Variants in FRMPD4 observed in about 807,000 individuals in gnomAD.
FRMPD4 encodes the protein FERM and PDZ domain containing 4.
In FRMPD4, 22 loss-of-function variants were observed where a neutral mutation model predicts 94.1. The observed-to-expected ratio is 0.23, with a 90% CI of 0.17 to 0.33. The LOEUF is 0.33. Among genes scored for constraint, FRMPD4 ranks in the 10% least tolerant of loss-of-function variants. FRMPD4 has a pLI of 1.00. For missense variants in FRMPD4, 1,111 were observed against 1,339.9 expected, an observed-to-expected ratio of 0.83 and a Z score of 2.67; for synonymous variants, 631 against 548.6, an observed-to-expected ratio of 1.15 and a Z score of -2.10.
chrX:12,263,025 T>C (rs960287756), intron 1 of FRMPD4, among the ~76,000 whole-genome samples: 1 of 111,685 alleles, frequency 9.0e-6, no homozygotes, highest in African/African-American at 3.3e-5. Context: ...GAGCCTTATT[T>C]TGTTATTTCT....
At chrX:11,869,337 G>T (rs2053742918) in intron 2 of FRMPD4, among the ~76,000 whole-genome samples, 1 of 111,580 alleles carries the variant, frequency 9.0e-6, no homozygotes, top group South Asian at 3.7e-4. Flanking sequence ...TTTCCCCAGG[G>T]GCTTTGCTAA....
intron 3 of FRMPD4, among the ~76,000 whole-genome samples, chrX:11,955,602 C>T (rs914420992): frequency 7.3e-5 from 8 of 110,015 alleles, no homozygotes; most frequent in African/African-American, 2.0e-4. Context: ...ATTAGCTGGG[C>T]GTGGTGGCAG....
rs1033001203 is a variant in FRMPD4, at chrX:12,486,076, A to G, written c.42-12604A>G. 4.5e-5 allele frequency among the ~76,000 whole-genome samples: 5 copies of G among 111,611 alleles called. No individual in the cohort carries two copies. In the East Asian group the frequency reaches 1.4e-3, roughly 31 times the overall value. ...CAGTATCAGGTAATGAATGGGTACC[A>G]ACTTCCATCTTGGCAAATCCCTGCC... On this transcript the variant is annotated intron_variant, in intron 1 of 16. Transcript: ENST00000675598.
chrX:12,195,045 CGT>C (rs1044961581), intron 1 of FRMPD4, among the ~76,000 whole-genome samples: 3 of 112,148 alleles, frequency 2.7e-5, no homozygotes, highest in Admixed American at 9.4e-5. Context: ...TGTGTGTGCA[CGT>C]GTGTGTTACA....
At chrX:12,177,873 G>A (rs1165905729) in intron 1 of FRMPD4, among the ~76,000 whole-genome samples, 1 of 111,651 alleles carries the variant, frequency 9.0e-6, no homozygotes, top group Non-Finnish European at 1.9e-5. Flanking sequence ...AATAATTCAG[G>A]GGTCTATACT....
chrX:12,334,525 A>C (rs2055485146), intron 1 of FRMPD4, among the ~76,000 whole-genome samples: 1 of 110,557 alleles, frequency 9.0e-6, no homozygotes, highest in South Asian at 3.9e-4. Context: ...AGATAAGGCA[A>C]GTTTCTGCAT....
intron 1 of FRMPD4, among the ~76,000 whole-genome samples, chrX:12,420,383 A>G (rs1262815123): frequency 9.0e-6 from 1 of 111,560 alleles, no homozygotes; most frequent in Admixed American, 9.5e-5. Context: ...CCTGTTTTCC[A>G]CTGTGCCACC....
At chrX:12,112,870 C>G (rs1306890973) in intron 3 of FRMPD4, among the ~76,000 whole-genome samples, 2 of 111,218 alleles carry the variant, frequency 1.8e-5, no homozygotes, top group Non-Finnish European at 3.8e-5. Flanking sequence ...CTCTTCTACC[C>G]AACTCCAACC....
At chrX:12,251,183 G>C (rs1017230077) in intron 1 of FRMPD4, among the ~76,000 whole-genome samples, 1 of 112,052 alleles carries the variant, frequency 8.9e-6, no homozygotes, top group Admixed American at 9.4e-5. Context: ...GTCTTCCACA[G>C]GGAAGCCAGG....
intron 3 of FRMPD4, among the ~76,000 whole-genome samples, chrX:12,025,391 A>G (rs778346288): frequency 9.1e-6 from 1 of 110,090 alleles, no homozygotes; most frequent in East Asian, 2.8e-4. Flanking sequence ...CAAACTTAGG[A>G]CATCTAAGAA....
At chrX:12,428,227 T>C (rs1601933296) in intron 1 of FRMPD4, among the ~76,000 whole-genome samples, 1 of 111,737 alleles carries the variant, frequency 8.9e-6, no homozygotes, top group African/African-American at 3.3e-5. Context: ...TGTTTTATTG[T>C]TTTGATGATG....
chrX:11,928,774 G>C (rs1188591300), intron 3 of FRMPD4, among the ~76,000 whole-genome samples: 2 of 112,369 alleles, frequency 1.8e-5, no homozygotes, highest in Non-Finnish European at 3.8e-5. Context: ...ATACCCAATG[G>C]AATGTAAATT....
intron 1 of FRMPD4, among the ~76,000 whole-genome samples, chrX:12,143,214 G>T (rs2055715831): frequency 8.9e-6 from 1 of 112,404 alleles, no homozygotes; most frequent in Non-Finnish European, 1.9e-5. Context: ...AGCAGGAAAA[G>T]AAAATTATGA....
At chrX:11,975,747 G>C (rs1386777803) in intron 3 of FRMPD4, among the ~76,000 whole-genome samples, 1 of 111,504 alleles carries the variant, frequency 9.0e-6, no homozygotes, top group Non-Finnish European at 1.9e-5. Flanking sequence ...ACAGCCCCAG[G>C]AACAACTGTC....
intron 3 of FRMPD4, among the ~76,000 whole-genome samples, chrX:12,611,980 C>G (rs2059188777): frequency 1.8e-5 from 2 of 110,471 alleles, no homozygotes; most frequent in South Asian, 7.5e-4. Flanking sequence ...TTGATGTAGA[C>G]AGCAATAATA....
intron 3 of FRMPD4, among the ~76,000 whole-genome samples, chrX:11,917,001 T>C (rs756639717): frequency 6.1e-4 from 68 of 111,904 alleles, no homozygotes; most frequent in Non-Finnish European, 1.1e-3. Flanking sequence ...AAGATTTTCT[T>C]CCAGGACTGA....
At chrX:12,057,320 T>C (rs1272399644) in intron 3 of FRMPD4, among the ~76,000 whole-genome samples, 2 of 111,731 alleles carry the variant, frequency 1.8e-5, no homozygotes, top group Non-Finnish European at 3.8e-5. Flanking sequence ...ATTTAGATCA[T>C]GAATTTGGAT....
chrX:12,515,867 A>G (rs1425483638), intron 2 of FRMPD4, among the ~76,000 whole-genome samples: 9 of 111,607 alleles, frequency 8.1e-5, no homozygotes, highest in African/African-American at 2.9e-4. Flanking sequence ...TGTTTTATGA[A>G]TCTGGGTGCT....
intron 1 of FRMPD4, among the ~76,000 whole-genome samples, chrX:12,187,759 G>T (rs753980525): frequency 1.8e-5 from 2 of 111,363 alleles, no homozygotes; most frequent in South Asian, 7.5e-4. Flanking sequence ...ATGTATGTAT[G>T]CTGGGATGTT....
Sources: allele counts gnomAD v4.1 joint callset (sites outside exome capture counted in the v4.1 genomes callset), GRCh38; gene constraint gnomAD v4.1.1; transcripts MANE v1.5; gene names NCBI Gene and HGNC (gene_info 2026-07-23, HGNC 2026-07-21).